SATL1: variants seen among roughly 807,000 people sequenced by gnomAD.
SATL1 encodes the protein spermidine/spermine N1-acetyl transferase like 1.
Under a neutral mutation model 51.8 loss-of-function variants are expected in SATL1, and 47 were observed. The ratio of observed to expected loss-of-function variants is 0.91; its 90% CI spans 0.72 to 1.16. The LOEUF (loss-of-function observed/expected upper bound fraction) is 1.16, where lower values mean the gene tolerates loss of function less well. Among genes scored for constraint, SATL1 ranks in the 50% most tolerant of loss-of-function variants. The pLI is 0.00. For synonymous variants in SATL1, 176 were observed against 182.4 expected (o/e 0.97, Z 0.28); for missense variants, 520 against 526.4 (o/e 0.99, Z 0.12).
chrX:85,199,969 A>G (rs1480570192), intron 2 of SATL1, among the ~76,000 whole-genome samples: 1 of 112,328 alleles, frequency 8.9e-6, no homozygotes, highest in African/African-American at 3.2e-5. Context: ...TGTTTGTAAC[A>G]CAAAGAAAGG....
chrX:85,099,248 G>A (rs1333751490), intron 4 of SATL1, among the ~76,000 whole-genome samples: 1 of 111,064 alleles, frequency 9.0e-6, no homozygotes, highest in African/African-American at 3.3e-5. Context: ...GCAAAAGTTT[G>A]AATCAGTAAT....
intron 2 of SATL1, among the ~76,000 whole-genome samples, chrX:85,214,310 A>G (rs66491562): frequency 0.13 from 14,158 of 110,428 alleles, 706 homozygotes; most frequent in South Asian, 0.18. Flanking sequence ...GGATACAAGG[A>G]GATTTCCAGG....
intron 2 of SATL1, among the ~76,000 whole-genome samples, chrX:85,156,911 A>C (rs778105065): frequency 4.1e-4 from 41 of 99,351 alleles, no homozygotes; most frequent in Non-Finnish European, 7.0e-4. Context: ...CTAGTAGCAC[A>C]GATTCTCTAA....
chrX:85,130,931 T>A (rs1303103068), intron 2 of SATL1, among the ~76,000 whole-genome samples: 1 of 112,111 alleles, frequency 8.9e-6, no homozygotes, highest in Non-Finnish European at 1.9e-5. Context: ...GAGCAGGTTG[T>A]TCAGTTTCCA....
intron 2 of SATL1, among the ~76,000 whole-genome samples, chrX:85,189,325 A>C (rs12013799): frequency 0.24 from 26,245 of 110,736 alleles, 3,245 homozygotes; most frequent in African/African-American, 0.48. Context: ...ATCCCTGGTT[A>C]TATGAGCATG....
chrX:85,100,233 A>C (rs1354364120), intron 4 of SATL1, among the ~76,000 whole-genome samples: 1 of 111,647 alleles, frequency 9.0e-6, no homozygotes, highest in East Asian at 2.8e-4. Flanking sequence ...AAAAAAATCC[A>C]TAGTAGAAAG....
At chrX:85,101,153 T>C (rs1399386342) in intron 4 of SATL1, among the ~76,000 whole-genome samples, 2 of 112,403 alleles carry the variant, frequency 1.8e-5, no homozygotes, top group African/African-American at 6.5e-5. Context: ...ATTTCTTGGA[T>C]ATAACACCAA....
At chrX:85,105,155 G>A (rs1244033535) in intron 3 of SATL1, among the ~76,000 whole-genome samples, 1 of 111,601 alleles carries the variant, frequency 9.0e-6, no homozygotes, top group African/African-American at 3.2e-5. Context: ...ATGGAAAAAA[G>A]CTTTTAAAAT....
At chrX:85,208,263 T>C (rs1254418482) in intron 2 of SATL1, among the ~76,000 whole-genome samples, 25 of 111,865 alleles carry the variant, frequency 2.2e-4, no homozygotes, top group Non-Finnish European at 4.3e-4. Context: ...TAGTATTCCA[T>C]GGTGTATATG....
Position 85,107,370 on chromosome X carries a change from A to C in SATL1, c.1599T>G (p.His533Gln), listed in dbSNP as rs138651773. 1.6e-6 allele frequency: 2 copies of C among 1,212,308 alleles called. No homozygotes were observed. The highest frequency in any genetic ancestry group is 5.9e-5 in the East Asian group (2 of 33,835). ...TTTCTGGGCAGTCTCCAGCCTCTGC[A>C]TGTCTTATTTGAAAGTAATCCATGC... ...QTSMDYFQIRHAEAGDCPEIL... is the reference protein window; with the variant it reads ...QTSMDYFQIRQAEAGDCPEIL... The change falls in exon 3 of 8, where the codon CAT (histidine) becomes CAG (glutamine). Residue 533 changes from histidine to glutamine, a missense_variant. His to Gln is a conservative substitution (Grantham distance 24). Around this residue, in one of 3 missense-constraint regions of SATL1, gnomAD observed 488 missense variants for 474.3 expected, o/e 1.03. Coordinates refer to ENST00000644105, the MANE Select transcript of SATL1 (RefSeq NM_001367857.2).
chrX:85,196,750 T>G (rs1361260309), intron 2 of SATL1, among the ~76,000 whole-genome samples: 2 of 111,481 alleles, frequency 1.8e-5, no homozygotes, highest in Non-Finnish European at 3.8e-5. Flanking sequence ...GAACAAGATT[T>G]GTCTTCTCAA....
intron 2 of SATL1, among the ~76,000 whole-genome samples, chrX:85,158,312 C>G: frequency 9.0e-6 from 1 of 111,610 alleles, no homozygotes; most frequent in South Asian, 3.7e-4. Flanking sequence ...CACCCCATCC[C>G]CACCTCCACT....
intron 4 of SATL1, among the ~76,000 whole-genome samples, chrX:85,102,867 T>A (rs974823): frequency 9.2e-6 from 1 of 109,198 alleles, no homozygotes; most frequent in Non-Finnish European, 1.9e-5. Context: ...ATCTGAAATG[T>A]TCCAATGAAC....
intron 2 of SATL1, among the ~76,000 whole-genome samples, chrX:85,221,042 C>T (rs1480159341): frequency 9.0e-6 from 1 of 111,317 alleles, no homozygotes; most frequent in East Asian, 2.8e-4. Context: ...TGCCACAGTA[C>T]AGCTACGGTA....
intron 2 of SATL1, among the ~76,000 whole-genome samples, chrX:85,167,033 A>G (rs768757246): frequency 9.5e-6 from 1 of 105,522 alleles, no homozygotes; most frequent in South Asian, 4.4e-4. Context: ...GTGTGTGTGT[A>G]TATACATATC....
intron 4 of SATL1, among the ~76,000 whole-genome samples, chrX:85,099,763 C>T (rs1257747969): frequency 8.9e-6 from 1 of 111,996 alleles, no homozygotes; most frequent in Non-Finnish European, 1.9e-5. Context: ...ATACAGCGTA[C>T]TTATGAAAAC....
chrX:85,204,425 C>A (rs1277697344), intron 2 of SATL1, among the ~76,000 whole-genome samples: 2 of 112,068 alleles, frequency 1.8e-5, no homozygotes, highest in Admixed American at 1.9e-4. Context: ...TATATACTTG[C>A]TATACATTTA....
intron 2 of SATL1, among the ~76,000 whole-genome samples, chrX:85,116,654 G>T (rs1925389354): frequency 9.0e-6 from 1 of 111,397 alleles, no homozygotes; most frequent in African/African-American, 3.3e-5. Flanking sequence ...CTGAGAGACA[G>T]GAGAGACAGT....
At chrX:85,176,693 C>A (rs1263587291) in intron 2 of SATL1, among the ~76,000 whole-genome samples, 1 of 110,830 alleles carries the variant, frequency 9.0e-6, no homozygotes, top group African/African-American at 3.3e-5. Flanking sequence ...TAAATAAATT[C>A]TACACAAGCA....
Sources: allele counts gnomAD v4.1 joint callset (sites outside exome capture counted in the v4.1 genomes callset), GRCh38; gene constraint gnomAD v4.1.1; regional missense constraint gnomAD v4.1.1; transcripts MANE v1.5; gene names NCBI Gene and HGNC (gene_info 2026-07-23, HGNC 2026-07-21).